Variants in NOSTRIN observed in about 807,000 individuals in gnomAD.
NOSTRIN encodes the protein BM247 homolog.
Under a neutral mutation model 59.0 loss-of-function variants are expected in NOSTRIN, and 63 were observed. The ratio of observed to expected loss-of-function variants is 1.07; its 90% CI spans 0.87 to 1.32. The LOEUF is 1.32. NOSTRIN is among the 40% of genes most tolerant of loss of function. The pLI, the probability that NOSTRIN is intolerant of heterozygous loss-of-function variation, is 0.00. For synonymous variants in NOSTRIN, 200 were observed against 165.4 expected (o/e 1.21, Z -1.61); for missense variants, 512 against 473.1 (o/e 1.08, Z -0.76).
chr2:168,864,039 C>G (rs958990608), intron 15 of NOSTRIN, among the ~76,000 whole-genome samples: 3 of 151,330 alleles, frequency 2.0e-5, no homozygotes, highest in African/African-American at 7.3e-5. Flanking sequence ...GTCTCCCAAG[C>G]TCACTGCAAC....
At chr2:168,825,939 A>G (rs531929612) in intron 3 of NOSTRIN, among the ~76,000 whole-genome samples, 2 of 152,316 alleles carry the variant, frequency 1.3e-5, no homozygotes. Flanking sequence ...TTAGGACAGT[A>G]TTTTAGTAGA....
At chr2:168,817,142 A>T (rs975764892) in intron 2 of NOSTRIN, among the ~76,000 whole-genome samples, 1 of 152,190 alleles carries the variant, frequency 6.6e-6, no homozygotes, top group Non-Finnish European at 1.5e-5. Flanking sequence ...TGATTTACAG[A>T]TGGGGATATG....
At chr2:168,852,250 T>C (rs1172036142) in intron 10 of NOSTRIN, among the ~76,000 whole-genome samples, 2 of 152,178 alleles carry the variant, frequency 1.3e-5, no homozygotes, top group Non-Finnish European at 2.9e-5. Context: ...GTATTTTTCA[T>C]GGTCCCTTCT....
intron 10 of NOSTRIN, among the ~76,000 whole-genome samples, chr2:168,853,205 G>C (rs966111137): frequency 3.9e-5 from 6 of 152,180 alleles, no homozygotes; most frequent in African/African-American, 1.4e-4. Flanking sequence ...CAAAATGAGT[G>C]AATAGTATTT....
intron 2 of NOSTRIN, among the ~76,000 whole-genome samples, chr2:168,789,591 G>A (rs756797937): frequency 3.6e-4 from 55 of 152,158 alleles, no homozygotes; most frequent in Non-Finnish European, 6.3e-4. Context: ...GATCCAAACC[G>A]TATCAGCTGG....
At chr2:168,819,934 T>C (rs899152971) in intron 2 of NOSTRIN, among the ~76,000 whole-genome samples, 1 of 152,192 alleles carries the variant, frequency 6.6e-6, no homozygotes, top group Non-Finnish European at 1.5e-5. Context: ...GCCTTGCAAC[T>C]GCACAGATGC....
intron 3 of NOSTRIN, 51 bp downstream of exon 3, chr2:168,824,768 T>TTTGTTTG (rs1553523543): frequency 9.5e-6 from 7 of 736,690 alleles, no homozygotes; most frequent in East Asian, 2.9e-5. Flanking sequence ...TTTATTTGTT[T>TTTGTTTG]TTTGTTTGTT....
chr2:168,859,739 A>C, intron 13 of NOSTRIN, 102 bp downstream of exon 13: 1 of 1,391,198 alleles, frequency 7.2e-7, no homozygotes, highest in Non-Finnish European at 9.7e-7. Flanking sequence ...ATTCTATGTG[A>C]TATTAATATT....
At chr2:168,861,815 C>A in intron 14 of NOSTRIN, 145 bp from the exon 15 acceptor site, 1 of 680,890 alleles carries the variant, frequency 1.5e-6, no homozygotes, top group Non-Finnish European at 2.5e-6. Flanking sequence ...AAGGAATGAA[C>A]ATTATATAAA....
intron 8 of NOSTRIN, among the ~76,000 whole-genome samples, chr2:168,846,394 C>G (rs1688427635): frequency 6.6e-6 from 1 of 152,090 alleles, no homozygotes; most frequent in South Asian, 2.1e-4. Flanking sequence ...TTCTCTTATT[C>G]CTTTTTACTC....
At chr2:168,845,362 C>A (rs755672811) in intron 8 of NOSTRIN, among the ~76,000 whole-genome samples, 1 of 152,168 alleles carries the variant, frequency 6.6e-6, no homozygotes, top group Non-Finnish European at 1.5e-5. Flanking sequence ...CTCCATCTTC[C>A]AGGCACCCAC....
intron 13 of NOSTRIN, among the ~76,000 whole-genome samples, chr2:168,859,839 C>T (rs1425077262): frequency 2.0e-5 from 3 of 152,202 alleles, no homozygotes; most frequent in Admixed American, 6.5e-5. Flanking sequence ...TCTGTGTACA[C>T]CAAACTTCTA....
intron 7 of NOSTRIN, among the ~76,000 whole-genome samples, chr2:168,840,259 G>A (rs1049563456): frequency 5.3e-5 from 8 of 152,032 alleles, no homozygotes; most frequent in African/African-American, 1.7e-4. Flanking sequence ...AGCTGGGCGC[G>A]GTGGCTCACG....
At chr2:168,833,302 G>A (rs1364324622) in intron 6 of NOSTRIN, among the ~76,000 whole-genome samples, 1 of 152,190 alleles carries the variant, frequency 6.6e-6, no homozygotes, top group African/African-American at 2.4e-5. Context: ...CTGACGGGAG[G>A]TGGAGAAAGA....
chr2:168,827,590 A>G (rs1687123825), intron 3 of NOSTRIN, among the ~76,000 whole-genome samples: 1 of 151,888 alleles, frequency 6.6e-6, no homozygotes, highest in Non-Finnish European at 1.5e-5. Flanking sequence ...AGAGGGGCTC[A>G]GGGGATACGG....
chr2:168,787,460 T>C (rs1685235049), intron 1 of NOSTRIN, among the ~76,000 whole-genome samples: 1 of 152,230 alleles, frequency 6.6e-6, no homozygotes, highest in Non-Finnish European at 1.5e-5. Context: ...AAGTTAGTCT[T>C]CCCAGAAAGC....
At chr2:168,817,206 G>A (rs1236805163) in intron 2 of NOSTRIN, among the ~76,000 whole-genome samples, 1 of 152,206 alleles carries the variant, frequency 6.6e-6, no homozygotes, top group Non-Finnish European at 1.5e-5. Flanking sequence ...TCAGTGCCAG[G>A]GTATCCCCAA....
intron 2 of NOSTRIN, among the ~76,000 whole-genome samples, chr2:168,819,972 T>A (rs1686638248): frequency 6.6e-6 from 1 of 152,182 alleles, no homozygotes; most frequent in African/African-American, 2.4e-5. Context: ...AAGCTCGTTA[T>A]GTCTGCTCTG....
rs1685361167 is a variant in NOSTRIN at position 168,791,814 on chromosome 2, A to G, written c.-473+3766A>G. 4.6e-5 allele frequency among the ~76,000 whole-genome samples: 7 copies of G among 151,800 alleles called. No homozygotes were observed. The South Asian group carries it at 1.2e-3, about 27-fold the overall frequency. ...TGACAAGTGTCTGTTCATATCCTTC[A>G]CCCACTTTTTGATGGGGTTGTTCTT... On this transcript the variant is annotated intron_variant, in intron 2 of 20. Coordinates refer to the NOSTRIN transcript ENST00000458381.
Sources: gnomAD v4.1 joint callset for allele counts (sites outside exome capture counted in the v4.1 genomes callset) on GRCh38, gnomAD v4.1.1 for gene constraint, MANE v1.5 for transcripts, NCBI Gene and HGNC (gene_info 2026-07-23, HGNC 2026-07-21) for gene names.